The following UBE3D variants were observed in gnomAD, a reference collection of about 807,000 sequenced individuals.
The protein encoded by UBE3D is ubiquitin protein ligase E3D.
A neutral mutation model predicts 49.6 loss-of-function variants in UBE3D; 48 were observed. The ratio of observed to expected loss-of-function variants is 0.97; its 90% CI spans 0.77 to 1.23. UBE3D has a LOEUF of 1.23. Among genes scored for constraint, UBE3D ranks in the 50% most tolerant of loss-of-function variants. The pLI is 0.00. For synonymous variants in UBE3D, 189 were observed against 174.2 expected (o/e 1.08, Z -0.67); for missense variants, 452 against 468.4 (o/e 0.96, Z 0.32).
chr6:82,904,167 T>C (rs957489997), intron 9 of UBE3D, among the ~76,000 whole-genome samples: 1 of 152,174 alleles, frequency 6.6e-6, no homozygotes, highest in Non-Finnish European at 1.5e-5. Flanking sequence ...ATGTTGTTGA[T>C]AGGTTTTTGG....
At chr6:82,920,983 C>A (rs1370075106) in intron 9 of UBE3D, among the ~76,000 whole-genome samples, 1 of 143,488 alleles carries the variant, frequency 7.0e-6, no homozygotes, top group African/African-American at 2.6e-5. Context: ...TGCTGTGTTG[C>A]CCAGGCTGGA....
chr6:82,887,711 CA>C (rs898209606), downstream of UBE3D, among the ~76,000 whole-genome samples: 20 of 147,534 alleles, frequency 1.4e-4, no homozygotes, highest in Non-Finnish European at 2.2e-4. Context: ...TCCATCCCCC[CA>C]AAAAAAAAGA....
chr6:82,968,609 T>A (rs1324757339), intron 8 of UBE3D, among the ~76,000 whole-genome samples: 3 of 152,218 alleles, frequency 2.0e-5, no homozygotes, highest in Non-Finnish European at 4.4e-5. Context: ...ATGCATTTTT[T>A]AATTTTAATA....
chr6:82,945,772 CAG>C (rs1775357861), intron 9 of UBE3D, among the ~76,000 whole-genome samples: 1 of 152,018 alleles, frequency 6.6e-6, no homozygotes, highest in African/African-American at 2.4e-5. Context: ...TAAGATAACA[CAG>C]AGAAGGAATT....
At chr6:82,953,455 A>G (rs1292098817) in intron 9 of UBE3D, among the ~76,000 whole-genome samples, 1 of 152,228 alleles carries the variant, frequency 6.6e-6, no homozygotes, top group Non-Finnish European at 1.5e-5. Context: ...TCTTAAATCC[A>G]GACCTTATCT....
At chr6:83,038,348 T>C (rs754055228) in intron 5 of UBE3D, 68 bp downstream of exon 5, 1 of 1,269,566 alleles carries the variant, frequency 7.9e-7, no homozygotes, top group Non-Finnish European at 1.1e-6. Flanking sequence ...ATATATTTAC[T>C]ATAAAATATC....
At chr6:83,063,412 T>TAAAAAAAA (rs201669450) in intron 1 of UBE3D, among the ~76,000 whole-genome samples, 1 of 45,482 alleles carries the variant, frequency 2.2e-5, no homozygotes, top group African/African-American at 8.8e-5. Flanking sequence ...AGACGCTGTC[T>TAAAAAAAA]AAAAAAAAAA....
At chr6:82,950,067 T>C (rs981289434) in intron 9 of UBE3D, among the ~76,000 whole-genome samples, 1 of 151,990 alleles carries the variant, frequency 6.6e-6, no homozygotes, top group African/African-American at 2.4e-5. Context: ...ATCAACAAAG[T>C]GAAGAGACAA....
intron 9 of UBE3D, among the ~76,000 whole-genome samples, chr6:82,927,065 C>G (rs770244145): frequency 1.3e-5 from 2 of 152,028 alleles, no homozygotes; most frequent in African/African-American, 4.8e-5. Flanking sequence ...TGTTTTTGTA[C>G]GTGGATGTCC....
intron 1 of UBE3D, among the ~76,000 whole-genome samples, chr6:83,063,965 A>C (rs572134123): frequency 1.3e-5 from 2 of 152,336 alleles, no homozygotes; most frequent in Admixed American, 1.3e-4. Context: ...CATAATAAGC[A>C]AACTCCAGAA....
chr6:83,052,386 G>A (rs1017839937), intron 3 of UBE3D, among the ~76,000 whole-genome samples: 1 of 152,132 alleles, frequency 6.6e-6, no homozygotes, highest in East Asian at 1.9e-4. Flanking sequence ...CAGTTTAATT[G>A]TGAAGACAGG....
the UBE3D span, among the ~76,000 whole-genome samples, chr6:82,881,738 C>A: frequency 6.6e-6 from 1 of 152,130 alleles, no homozygotes; most frequent in Non-Finnish European, 1.5e-5. Flanking sequence ...ACAGTTCATG[C>A]GGAACTCAGC....
rs1212958871 is a variant in UBE3D at position 82,930,963 on chromosome 6, A to C, written c.1149+26349T>G. Among the ~76,000 whole-genome samples the C allele has an allele frequency of 5.9e-5, 9 of 152,310 alleles. No individual in the cohort carries two copies. In the East Asian group the frequency reaches 1.7e-3, roughly 29 times the overall value. On this transcript the variant is annotated intron_variant, in intron 9 of 9. Transcript: ENST00000369747. ...AGAGACTTTCATGGCAGCCCCTCCC[A>C]TAACAGGCCTGGAGGCCTAGGAGGA...
chr6:82,972,550 T>C (rs1284257464), intron 8 of UBE3D, among the ~76,000 whole-genome samples: 1 of 152,212 alleles, frequency 6.6e-6, no homozygotes, highest in African/African-American at 2.4e-5. Context: ...AATGTAACTC[T>C]AGTAGAGTTG....
Position 83,032,815 on chromosome 6 carries a change from C to A in UBE3D, c.667+5601G>T, listed in dbSNP as rs117698428. ...TGATAGTGAATAACTCTCACAAGACCTGATGGTTTTATAAAGGGCAGTTCC... is the reference window on the plus strand; with the variant it reads ...TGATAGTGAATAACTCTCACAAGACATGATGGTTTTATAAAGGGCAGTTCC... On this transcript the variant is annotated intron_variant, in intron 5 of 9. Transcript: ENST00000369747. 5.0e-3 allele frequency among the ~76,000 whole-genome samples: 758 copies of A among 152,192 alleles called. 2 individuals are homozygous for A. The highest frequency in any genetic ancestry group is 7.9e-3 in the Non-Finnish European group (538 of 68,004).
intron 9 of UBE3D, among the ~76,000 whole-genome samples, chr6:82,915,624 G>A (rs147366793): frequency 0.01 from 1,577 of 152,294 alleles, 13 homozygotes; most frequent in Admixed American, 0.017. Context: ...CACCACAGGT[G>A]CAACCATTTC....
At chr6:83,001,370 G>A (rs1176497568) in intron 8 of UBE3D, among the ~76,000 whole-genome samples, 1 of 152,178 alleles carries the variant, frequency 6.6e-6, no homozygotes, top group African/African-American at 2.4e-5. Flanking sequence ...AGTATTTGCT[G>A]AACGAATCAA....
intron 8 of UBE3D, among the ~76,000 whole-genome samples, chr6:82,970,557 G>A (rs1413779883): frequency 6.6e-6 from 1 of 152,052 alleles, no homozygotes; most frequent in Non-Finnish European, 1.5e-5. Flanking sequence ...TAGGGACTCT[G>A]GGCCGGGCGC....
At chr6:83,025,098 T>C (rs932093528) in intron 5 of UBE3D, among the ~76,000 whole-genome samples, 1 of 152,228 alleles carries the variant, frequency 6.6e-6, no homozygotes, top group Non-Finnish European at 1.5e-5. Context: ...TATAACTGAA[T>C]AACTCAGATT....
Sources: gnomAD v4.1 joint callset for allele counts (sites outside exome capture counted in the v4.1 genomes callset) on GRCh38, gnomAD v4.1.1 for gene constraint, MANE v1.5 for transcripts, NCBI Gene and HGNC (gene_info 2026-07-23, HGNC 2026-07-21) for gene names.